The following WDFY3 variants were observed in gnomAD, a reference collection of about 807,000 sequenced individuals.
WDFY3 encodes WD repeat and FYVE domain-containing protein 3.
In WDFY3, 66 loss-of-function variants were observed where a neutral mutation model predicts 409.6. The observed-to-expected ratio is 0.16, with a 90% confidence interval of 0.13 to 0.20. The LOEUF (loss-of-function observed/expected upper bound fraction) is 0.20, where lower values mean the gene tolerates loss of function less well. WDFY3 is among the 10% of genes least tolerant of loss of function. WDFY3 has a pLI of 1.00. For missense variants in WDFY3, 3,031 were observed against 4,298.1 expected (o/e 0.71, Z 8.24); for synonymous variants, 1,521 against 1,537.1 (o/e 0.99, Z 0.25).
intron 56 of WDFY3, 31 bp from the exon 57 acceptor site, chr4:84,696,854 AAAAG>A: frequency 7.0e-6 from 11 of 1,579,440 alleles, no homozygotes; most frequent in Non-Finnish European, 8.7e-6. Context: ...AAAATAAAAA[AAAAG>A]AAAGAATGGG....
Position 84,765,928 on chromosome 4 carries a change from A to C in WDFY3, c.5070T>G (p.Ile1690Met). ...ACTGATTACTTAGTAGGACAACAAG[A>C]ATCCTCATGGCTGCTGTAACTGTGG... ...HSTTVTAAMR[I>M]LVVLLSNQSI... is the part of the protein sequence containing the mutation. Residue 1690 changes from isoleucine to methionine, a missense_variant, in exon 32 of 68, where the codon ATT (isoleucine) becomes ATG (methionine). Coordinates refer to ENST00000295888, the MANE Select transcript of WDFY3 (RefSeq NM_014991.6). 2 of 1,614,000 alleles carry C rather than the reference A, an allele frequency of 1.2e-6. No homozygotes were observed. The highest frequency in any genetic ancestry group is 2.2e-5 in the South Asian group (2 of 91,076).
At chr4:84,959,157 T>A (rs1015401490) in intron 1 of WDFY3, among the ~76,000 whole-genome samples, 1 of 152,094 alleles carries the variant, frequency 6.6e-6, no homozygotes, top group African/African-American at 2.4e-5. Flanking sequence ...AGTCTTTTTT[T>A]AAAAAATGAA....
intron 21 of WDFY3, among the ~76,000 whole-genome samples, chr4:84,793,234 AC>A (rs1250864979): frequency 6.6e-6 from 1 of 152,166 alleles, no homozygotes; most frequent in Non-Finnish European, 1.5e-5. Context: ...GTGCCATGGC[AC>A]CTTCACAGCT....
At chr4:84,759,156 G>A (rs1742032216) in intron 32 of WDFY3, among the ~76,000 whole-genome samples, 1 of 152,112 alleles carries the variant, frequency 6.6e-6, no homozygotes, top group Non-Finnish European at 1.5e-5. Context: ...CTGTTCCATT[G>A]ATCTATATCT....
intron 46 of WDFY3, among the ~76,000 whole-genome samples, chr4:84,722,424 C>T (rs1221709548): frequency 1.3e-5 from 2 of 152,090 alleles, no homozygotes; most frequent in Non-Finnish European, 2.9e-5. Flanking sequence ...CAAGATATCC[C>T]ACCTACTTGG....
Position 84,743,779 on chromosome 4 carries a change from T to G in WDFY3, c.5994A>C (p.Thr1998=). The G allele has an allele frequency of 6.3e-7, 1 of 1,587,124 alleles. No individual in the cohort carries two copies. Among genetic ancestry groups the G allele is most frequent in the Non-Finnish European group, 8.6e-7 (1 of 1,164,216 alleles). ...TTTGAAATTCTTTTTGCTGAGTTCT[T>G]GTAGACCTTTCAGGGGAAGCCTAAT... ...LLLEASPERS[T]RTQQKEFQTY... The change falls in exon 37 of 68, where the codon ACA becomes ACC. Residue 1998 remains threonine, a synonymous_variant. Transcript: ENST00000295888.
At chr4:84,815,952 C>T (rs182143856) in intron 13 of WDFY3, among the ~76,000 whole-genome samples, 3 of 152,032 alleles carry the variant, frequency 2.0e-5, no homozygotes, top group Non-Finnish European at 2.9e-5. Flanking sequence ...ATTATTACTA[C>T]GATAGTTCAT....
chr4:84,823,275 T>C (rs189036749), intron 10 of WDFY3, among the ~76,000 whole-genome samples: 2 of 152,122 alleles, frequency 1.3e-5, no homozygotes, highest in Non-Finnish European at 2.9e-5. Flanking sequence ...CTTTCTACCC[T>C]CTATGATAAT....
intron 6 of WDFY3, among the ~76,000 whole-genome samples, chr4:84,839,789 C>T (rs568760417): frequency 5.3e-5 from 8 of 151,262 alleles, no homozygotes; most frequent in Non-Finnish European, 8.8e-5. Context: ...ATCTGGGAGG[C>T]GGAGGTTGCA....
At chr4:84,931,397 C>T (rs1016774878) in intron 2 of WDFY3, among the ~76,000 whole-genome samples, 7 of 152,166 alleles carry the variant, frequency 4.6e-5, no homozygotes, top group African/African-American at 1.7e-4. Flanking sequence ...GTTAGCCTTT[C>T]TTTGGGATCT....
In WDFY3 at chr4:84,672,919, A is replaced by G. The variant is rs772180235; in HGVS notation, c.10530T>C (p.Tyr3510=). 3 of 1,614,146 alleles carry G rather than the reference A, an allele frequency of 1.9e-6. No individual in the cohort carries two copies. Among genetic ancestry groups the G allele is most frequent in the South Asian group, 1.1e-5 (1 of 91,080 alleles). Residue 3510 remains tyrosine, a synonymous_variant, in exon 68 of 68, where the codon TAT becomes TAC. Transcript: ENST00000295888. ...AACCTCTCTCATGCTGTAAGTTATA[A>G]TAACAGTTCTGACAAACACGCACCG... ...SSPVRVCQNC[Y]YNLQHERGSE...
chr4:84,724,879 T>A (rs144150483), intron 45 of WDFY3, among the ~76,000 whole-genome samples: 1,968 of 152,304 alleles, frequency 0.013, 20 homozygotes, highest in Non-Finnish European at 0.017. Context: ...TGTGTCTTCT[T>A]TGGTGTATGA....
Position 84,688,264 on chromosome 4 carries a change from G to A in WDFY3, c.9365C>T (p.Ala3122Val), listed in dbSNP as rs1325047728. Residue 3122 changes from alanine to valine, a missense_variant and splice_region_variant, in exon 62 of 68, where the codon GCC (alanine) becomes GTC (valine). Coordinates refer to ENST00000295888, the MANE Select transcript of WDFY3 (RefSeq NM_014991.6). ...EKAKTVTLKQ[A>V]LLGHTDTVTC... ...GACGGTATCAGTGTGGCCCAGTAAG[G>A]CCTACGAATGAGAACAAACAAACAA... 1.9e-6 allele frequency: 3 copies of A among 1,612,210 alleles called. No homozygotes were observed. Among genetic ancestry groups the A allele is most frequent in the Non-Finnish European group, 2.5e-6 (3 of 1,179,234 alleles).
At chr4:84,833,529 C>T (rs1756068571) in intron 7 of WDFY3, among the ~76,000 whole-genome samples, 1 of 151,982 alleles carries the variant, frequency 6.6e-6, no homozygotes, top group African/African-American at 2.4e-5. Context: ...ATTAGCTAGG[C>T]ATGGTGGCAA....
intron 67 of WDFY3, among the ~76,000 whole-genome samples, chr4:84,674,914 C>T (rs955627457): frequency 5.3e-5 from 8 of 151,530 alleles, no homozygotes; most frequent in South Asian, 2.1e-4. Flanking sequence ...ATATGTCTAG[C>T]GGCTCTGTGC....
At position 84,796,619 on chromosome 4, in the gene WDFY3, C is replaced by T. The variant is rs1269248136; in HGVS notation, c.3069G>A (p.Lys1023=). ...GTGGGGTTGTCATGGAGACCAGACA[C>T]TTCACCCTGGTCAGGGGTACAGTAC... is the stretch of plus-strand genomic sequence containing the variant. ...EGSTVPLTRV[K]CLVSMTTPHD... is the part of the protein sequence containing the mutation. The change falls in exon 19 of 68, where the codon AAG becomes AAA. Residue 1023 remains lysine, a synonymous_variant. Coordinates refer to ENST00000295888, the MANE Select transcript of WDFY3 (RefSeq NM_014991.6). The T allele has an allele frequency of 3.7e-6, 6 of 1,614,134 alleles. No homozygotes were observed. Among genetic ancestry groups the T allele is most frequent in the Non-Finnish European group, 5.1e-6 (6 of 1,180,018 alleles).
intron 2 of WDFY3, among the ~76,000 whole-genome samples, chr4:84,929,148 A>G (rs1770403539): frequency 6.6e-6 from 1 of 152,198 alleles, no homozygotes; most frequent in Non-Finnish European, 1.5e-5. Context: ...CCTACAGTAA[A>G]GGCTCAAGTG....
intron 10 of WDFY3, among the ~76,000 whole-genome samples, chr4:84,822,927 T>C (rs1754297953): frequency 6.6e-6 from 1 of 152,058 alleles, no homozygotes. Context: ...CTACATAATA[T>C]AAAAAGTAAA....
At chr4:84,816,332 C>T (rs1994227) in intron 13 of WDFY3, among the ~76,000 whole-genome samples, 26,419 of 152,018 alleles carry the variant, frequency 0.17, 3,937 homozygotes, top group African/African-American at 0.4. Context: ...AGCAGATAAG[C>T]TGAAAGCACA....
Sources: gnomAD v4.1 joint callset for allele counts (sites outside exome capture counted in the v4.1 genomes callset) on GRCh38, gnomAD v4.1.1 for gene constraint, MANE v1.5 for transcripts, NCBI Gene and HGNC (gene_info 2026-07-23, HGNC 2026-07-21) for gene names.